SFXN5: variants seen among roughly 807,000 people sequenced by gnomAD.
SFXN5 encodes sideroflexin 5.
In SFXN5, 43 loss-of-function variants were observed where a neutral mutation model predicts 50.2. The ratio of observed to expected loss-of-function variants is 0.86; its 90% CI spans 0.67 to 1.11. SFXN5 has a LOEUF of 1.11. SFXN5 is among the 50% of genes least tolerant of loss of function. The pLI is 0.00. For synonymous variants in SFXN5, 203 were observed against 185.8 expected (o/e 1.09, Z -0.75); for missense variants, 463 against 454.1 (o/e 1.02, Z -0.18).
intron 2 of SFXN5, among the ~76,000 whole-genome samples, chr2:73,048,156 G>A (rs749635501): frequency 9.9e-5 from 15 of 152,112 alleles, no homozygotes; most frequent in Non-Finnish European, 1.8e-4. Context: ...TCATGCATAT[G>A]TGCATATGAT....
At position 73,020,051 on chromosome 2, in the gene SFXN5, A is replaced by C; in HGVS notation, c.357+188T>G. ...GATTTAAGTCATCAGGCTTTTTATG[A>C]AAAGAGGTTTGCCAATCAGCATCAA... On this transcript the variant is annotated intron_variant, in intron 6 of 13. Coordinates refer to ENST00000272433, the MANE Select transcript of SFXN5 (RefSeq NM_144579.3). 6 of 589,292 alleles carry C rather than the reference A, an allele frequency of 1.0e-5. No homozygotes were observed. In the South Asian group the frequency reaches 1.3e-4, roughly 13 times the overall value. 36.5% of individuals were successfully genotyped at this position (589,292 alleles called of 1,614,324 possible). A position where few individuals can be genotyped will look rare whatever the true frequency, so the allele number is the denominator to read the frequency against.
intron 9 of SFXN5, chr2:72,995,070 TC>T (rs1158450272): frequency 1.3e-5 from 2 of 152,002 alleles, no homozygotes; most frequent in African/African-American, 4.8e-5. Context: ...CCTTCTAGCT[TC>T]CCCTCTCAGT....
At chr2:72,946,348 C>A (rs1036673519) in intron 13 of SFXN5, among the ~76,000 whole-genome samples, 6 of 152,174 alleles carry the variant, frequency 3.9e-5, no homozygotes, top group African/African-American at 1.4e-4. Flanking sequence ...GACTTTTCAA[C>A]CCACAGTAAA....
chr2:73,047,237 AAAAAAAAAATATATAT>A (rs1167378506), intron 2 of SFXN5, among the ~76,000 whole-genome samples: 36 of 28,440 alleles, frequency 1.3e-3, no homozygotes, highest in African/African-American at 3.1e-3. Flanking sequence ...AAAAAAAAAA[AAAAAAAAAATATATAT>A]ATATATATAT....
rs1048696632 is a variant in SFXN5, at chr2:72,944,970, C to T, written c.*52G>A. 5.1e-6 allele frequency: 8 copies of T among 1,558,072 alleles called. No homozygotes were observed. The African/African-American group carries it at 1.1e-4, about 21-fold the overall frequency. On this transcript the variant is annotated 3_prime_UTR_variant, in exon 14 of 14. Coordinates refer to ENST00000272433, the MANE Select transcript of SFXN5 (RefSeq NM_144579.3). Reference sequence around the variant, plus strand: ...GTGCAGCCGTGAGTCTACGGCCCTGCCCCTCAGCTCCCCGGCTGCACAGTG... The same window carrying T: ...GTGCAGCCGTGAGTCTACGGCCCTGTCCCTCAGCTCCCCGGCTGCACAGTG...
chr2:73,065,399 GACA>G (rs1212904252), intron 1 of SFXN5, among the ~76,000 whole-genome samples: 2 of 149,652 alleles, frequency 1.3e-5, no homozygotes, highest in Non-Finnish European at 3.0e-5. Flanking sequence ...ACTGCACCTG[GACA>G]ACAATTTTTT....
intron 3 of SFXN5, among the ~76,000 whole-genome samples, chr2:73,031,083 G>A (rs543044616): frequency 1.3e-5 from 2 of 152,276 alleles, no homozygotes; most frequent in East Asian, 3.9e-4. Context: ...TGACCCTTAT[G>A]GCACAGACCA....
intron 9 of SFXN5, chr2:72,996,429 C>CG (rs922161091): frequency 6.6e-6 from 1 of 151,218 alleles, no homozygotes; most frequent in Non-Finnish European, 1.5e-5. Flanking sequence ...TGGGACGGAG[C>CG]GGCTGATGGT....
In SFXN5 at chr2:72,975,097, G is replaced by C. The variant is rs369439436; in HGVS notation, c.626-3412C>G. Reference sequence around the variant, plus strand: ...GATGTCAAGGAATGAGAGAGAGAAAGAGAAGGAGAGAGAAAGACTTTGCTT... The same window carrying C: ...GATGTCAAGGAATGAGAGAGAGAAACAGAAGGAGAGAGAAAGACTTTGCTT... On this transcript the variant is annotated intron_variant, in intron 10 of 13. Coordinates refer to ENST00000272433, the MANE Select transcript of SFXN5 (RefSeq NM_144579.3). Among the ~76,000 whole-genome samples, 28 of 152,340 alleles carry C rather than the reference G, an allele frequency of 1.8e-4. No individual in the cohort carries two copies. The South Asian group carries it at 3.5e-3, about 19-fold the overall frequency.
chr2:73,058,230 T>C (rs1360831363), intron 2 of SFXN5: 1 of 263,314 alleles, frequency 3.8e-6, no homozygotes, highest in Non-Finnish European at 7.3e-6. Context: ...ATGTACTTGA[T>C]AATAATTTCT....
intron 13 of SFXN5, among the ~76,000 whole-genome samples, chr2:72,954,235 G>A (rs1246616150): frequency 2.0e-5 from 3 of 152,140 alleles, no homozygotes; most frequent in Non-Finnish European, 2.9e-5. Flanking sequence ...CTGAGAGGGA[G>A]GGACATGGGG....
At chr2:73,005,642 C>T (rs1574092990) in intron 6 of SFXN5, among the ~76,000 whole-genome samples, 1 of 152,200 alleles carries the variant, frequency 6.6e-6, no homozygotes, top group Admixed American at 6.5e-5. Context: ...TGGTTTCTTT[C>T]TCTGAGCTCC....
chr2:72,988,608 C>T (rs963965932), intron 9 of SFXN5, among the ~76,000 whole-genome samples: 1 of 152,158 alleles, frequency 6.6e-6, no homozygotes. Flanking sequence ...GACATACACA[C>T]ACACACACAC....
chr2:72,962,110 A>G (rs1673814281), intron 12 of SFXN5, among the ~76,000 whole-genome samples: 2 of 152,360 alleles, frequency 1.3e-5, no homozygotes, highest in Middle Eastern at 3.4e-3. Context: ...GTTTTGCTCA[A>G]TACAGCAGGC....
chr2:73,025,016 T>A (rs200302687), intron 3 of SFXN5, among the ~76,000 whole-genome samples: 3 of 152,096 alleles, frequency 2.0e-5, no homozygotes, highest in African/African-American at 7.2e-5. Context: ...CCAGGCAGAT[T>A]AGAAGCAGTC....
chr2:73,001,480 T>G (rs1332291028), intron 7 of SFXN5, 45 bp downstream of exon 7: 3 of 1,604,550 alleles, frequency 1.9e-6, no homozygotes, highest in Admixed American at 1.7e-5. Context: ...CCAGCACCTG[T>G]GTGGGCCCTT....
Position 72,942,967 on chromosome 2 carries a change from G to A in SFXN5, c.*2055C>T, listed in dbSNP as rs1414770234. The stretch of plus-strand genomic sequence containing the variant: ...AGTGAGCTTTTCAAAAGACGACCCA[G>A]ACATGCCAGCACCTAGTTCAGGCCT... On this transcript the variant is annotated 3_prime_UTR_variant, in exon 14 of 14. Coordinates refer to ENST00000272433, the MANE Select transcript of SFXN5 (RefSeq NM_144579.3). 6.6e-6 allele frequency: 1 copy of A among 152,378 alleles called. No individual in the cohort carries two copies. The highest frequency in any genetic ancestry group is 2.4e-5 in the African/African-American group (1 of 41,464). 9.4% of individuals were successfully genotyped at this position (152,378 alleles called of 1,614,324 possible).
At position 72,998,986 on chromosome 2, in the gene SFXN5, C is replaced by T; in HGVS notation, c.497G>A (p.Gly166Glu). 6.2e-7 allele frequency: 1 copy of T among 1,614,180 alleles called. No individual in the cohort carries two copies. The highest frequency in any genetic ancestry group is 8.5e-7 in the Non-Finnish European group (1 of 1,180,024). The stretch of plus-strand genomic sequence containing the variant: ...GGCGCTGATGACAGCTCCCAGGTAT[C>T]CCTGGATGAACTTGGATGCAGGTGA... ...KPSPASKFIQ[G>E]YLGAVISAVS... Residue 166 changes from glycine to glutamate, a missense_variant, in exon 9 of 14, where the codon GGA (glycine) becomes GAA (glutamate). Coordinates refer to ENST00000272433, the MANE Select transcript of SFXN5 (RefSeq NM_144579.3).
At chr2:72,964,885 G>T (rs1418154052) in intron 12 of SFXN5, among the ~76,000 whole-genome samples, 1 of 152,192 alleles carries the variant, frequency 6.6e-6, no homozygotes, top group African/African-American at 2.4e-5. Context: ...GGCTGGACGG[G>T]TTCAGTCCCA....
Sources: allele counts gnomAD v4.1 joint callset (sites outside exome capture counted in the v4.1 genomes callset), GRCh38; gene constraint gnomAD v4.1.1; transcripts MANE v1.5; gene names NCBI Gene and HGNC (gene_info 2026-07-23, HGNC 2026-07-21).